TMEM238L: variants seen among roughly 807,000 people sequenced by gnomAD.
TMEM238L encodes the protein transmembrane protein 238-like.
intron 1 of TMEM238L, chr17:10,802,334 C>A (rs954086739): frequency 1.3e-5 from 2 of 152,206 alleles, no homozygotes; most frequent in African/African-American, 4.8e-5. Context: ...TACAGCCTTT[C>A]CCTGCCTTAT....
At chr17:10,803,115 A>ATCT (rs1904796111) in intron 1 of TMEM238L, among the ~76,000 whole-genome samples, 1 of 151,002 alleles carries the variant, frequency 6.6e-6, no homozygotes, top group African/African-American at 2.4e-5. Context: ...AGTGAACGAG[A>ATCT]GGGGCCGTTC....
At chr17:10,803,924 G>T in exon 1 of TMEM238L, 1 of 399,024 alleles carries the variant, frequency 2.5e-6, no homozygotes, top group Non-Finnish European at 4.4e-6. Context: ...AGCGCACAGC[G>T]CCCTGGATGG....
intron 1 of TMEM238L, among the ~76,000 whole-genome samples, chr17:10,796,602 A>G (rs1904553698): frequency 6.6e-6 from 1 of 152,240 alleles, no homozygotes; most frequent in Non-Finnish European, 1.5e-5. Flanking sequence ...TTACTGAGAA[A>G]GGCACATTGC....
chr17:10,801,132 G>A (rs993649373), intron 1 of TMEM238L, among the ~76,000 whole-genome samples: 2 of 151,194 alleles, frequency 1.3e-5, no homozygotes, highest in African/African-American at 4.9e-5. Context: ...CTCACTGCAA[G>A]CTCCGCCTCC....
intron 1 of TMEM238L, among the ~76,000 whole-genome samples, chr17:10,800,979 C>A (rs1385400304): frequency 6.6e-6 from 1 of 151,894 alleles, no homozygotes; most frequent in Non-Finnish European, 1.5e-5. Context: ...CCGGGGTGGT[C>A]TCTTGGAAAC....
At chr17:10,802,268 A>G (rs1013433037) in intron 1 of TMEM238L, 1 of 152,244 alleles carries the variant, frequency 6.6e-6, no homozygotes, top group African/African-American at 2.4e-5. Flanking sequence ...CAGTTAACTC[A>G]TCCCAGATTA....
rs577656843 is a variant in TMEM238L at position 10,796,282 on chromosome 17, A to ATG, written c.*119-336_*119-335dup. On this transcript the variant is annotated intron_variant, in intron 1 of 1. Transcript: ENST00000581851. ...TTACCCTTCCTTGCAGGCAAAGCCG[A>ATG]TGCCTACCTCTCTCTGCTCTCTGGA... is the stretch of plus-strand genomic sequence containing the variant. Among the ~76,000 whole-genome samples, 7 of 152,326 alleles carry ATG rather than the reference A, an allele frequency of 4.6e-5. No individual in the cohort carries two copies. The East Asian group carries it at 1.3e-3, about 29-fold the overall frequency.
rs145741590 is a variant in TMEM238L, at chr17:10,803,302, G to A, written c.*118+304C>T. ...TGGGGTCTTTTTGTCCCCAAGTTCC[G>A]AGGTAAAGGGATAACTTCCCATTGT... On this transcript the variant is annotated intron_variant, in intron 1 of 1. Transcript: ENST00000581851. 2.3e-3 allele frequency among the ~76,000 whole-genome samples: 346 copies of A among 152,298 alleles called. 1 individual carries two copies. The highest frequency in any genetic ancestry group is 4.0e-3 in the Non-Finnish European group (273 of 68,020).
intron 1 of TMEM238L, among the ~76,000 whole-genome samples, chr17:10,796,912 A>G (rs1334102758): frequency 6.6e-6 from 1 of 152,218 alleles, no homozygotes; most frequent in Admixed American, 6.5e-5. Flanking sequence ...AGTAAATGTC[A>G]TAGGCTCTGC....
intron 1 of TMEM238L, among the ~76,000 whole-genome samples, chr17:10,801,783 C>CTT (rs57292520): frequency 3.5e-5 from 5 of 144,136 alleles, no homozygotes; most frequent in African/African-American, 1.3e-4. Flanking sequence ...CGTCATGTGT[C>CTT]TTTTTTTTTT....
At chr17:10,797,355 C>T (rs1307429587) in intron 1 of TMEM238L, among the ~76,000 whole-genome samples, 1 of 147,314 alleles carries the variant, frequency 6.8e-6, no homozygotes, top group African/African-American at 2.5e-5. Context: ...TTCCTCCCCC[C>T]TTTCCTTCCC....
intron 1 of TMEM238L, chr17:10,797,673 G>A (rs1304652779): frequency 2.0e-5 from 3 of 152,120 alleles, no homozygotes; most frequent in African/African-American, 7.2e-5. Flanking sequence ...TGCCCCAGGG[G>A]CGCTTTCTGA....
chr17:10,797,214 G>A (rs768251884), intron 1 of TMEM238L, among the ~76,000 whole-genome samples: 34 of 146,352 alleles, frequency 2.3e-4, no homozygotes, highest in Admixed American at 3.6e-4. Flanking sequence ...ATCGTTATCT[G>A]TAATAGAGAG....
At chr17:10,800,323 C>T (rs770059235) in intron 1 of TMEM238L, among the ~76,000 whole-genome samples, 4 of 152,182 alleles carry the variant, frequency 2.6e-5, no homozygotes, top group Non-Finnish European at 5.9e-5. Flanking sequence ...AAGTGAGCAA[C>T]GTCCTGAACA....
At chr17:10,800,572 T>C (rs1004119218) in intron 1 of TMEM238L, among the ~76,000 whole-genome samples, 5 of 152,242 alleles carry the variant, frequency 3.3e-5, no homozygotes, top group Admixed American at 1.3e-4. Context: ...CTCTGTAATG[T>C]GCTGGCTACC....
chr17:10,797,599 A>G (rs989127393), intron 1 of TMEM238L, among the ~76,000 whole-genome samples: 6 of 152,136 alleles, frequency 3.9e-5, no homozygotes, highest in African/African-American at 1.4e-4. Context: ...CAAACTCTGC[A>G]TGTTCAAAAG....
At chr17:10,798,795 TG>T (rs1345128792) in intron 1 of TMEM238L, among the ~76,000 whole-genome samples, 3 of 151,914 alleles carry the variant, frequency 2.0e-5, no homozygotes, top group Admixed American at 6.6e-5. Context: ...GGTGTTGGTG[TG>T]TGTGTATTGT....
chr17:10,798,635 GTGTT>G (rs537125411), intron 1 of TMEM238L, among the ~76,000 whole-genome samples: 112 of 152,184 alleles, frequency 7.4e-4, no homozygotes, highest in African/African-American at 2.5e-3. Context: ...TTCTGGGTGT[GTGTT>G]TGGTAGGTGT....
chr17:10,795,673 C>G (rs1377018231), exon 2 of TMEM238L: 2 of 152,166 alleles, frequency 1.3e-5, no homozygotes, highest in African/African-American at 4.8e-5. Context: ...TGTCTAAGCC[C>G]CCAGCAGGGC....
Sources: allele counts gnomAD v4.1 joint callset (sites outside exome capture counted in the v4.1 genomes callset), GRCh38; gene constraint gnomAD v4.1.1; transcripts MANE v1.5; gene names NCBI Gene and HGNC (gene_info 2026-07-23, HGNC 2026-07-21).